Variants in BTBD8 observed in about 807,000 individuals in gnomAD.
The protein encoded by BTBD8 is BTB/POZ domain-containing protein 8.
Under a neutral mutation model 162.9 loss-of-function variants are expected in BTBD8, and 110 were observed. That is an observed-to-expected ratio of 0.68 (90% CI 0.58 to 0.79). The LOEUF (loss-of-function observed/expected upper bound fraction) is 0.79. Ranked by LOEUF, BTBD8 falls within the 30% of genes least tolerant of loss-of-function variation. The pLI, the probability that BTBD8 is intolerant of heterozygous loss-of-function variation, is 0.00. For synonymous variants in BTBD8, 667 were observed against 716.1 expected (o/e 0.93, Z 1.10); for missense variants, 1,905 against 2,085.4 (o/e 0.91, Z 1.68).
chr1:92,163,948 A>G (rs922381978), intron 9 of BTBD8, among the ~76,000 whole-genome samples: 2 of 152,188 alleles, frequency 1.3e-5, no homozygotes, highest in African/African-American at 4.8e-5. Context: ...CACATTATGT[A>G]TATAGTAAGC....
At chr1:92,127,552 TTTTGTTTG>T (rs71586734) in intron 4 of BTBD8, among the ~76,000 whole-genome samples, 93,865 of 149,862 alleles carry the variant, frequency 0.63, 29,812 homozygotes, top group East Asian at 0.95. Flanking sequence ...TTTTGGAAGT[TTTTGTTTG>T]TTTGTTTGTT....
At chr1:92,136,181 C>A (rs1649627469) in intron 5 of BTBD8, among the ~76,000 whole-genome samples, 1 of 152,204 alleles carries the variant, frequency 6.6e-6, no homozygotes, top group East Asian at 1.9e-4. Flanking sequence ...TTTAGTCTCC[C>A]TCTGAAGGTT....
intron 3 of BTBD8, among the ~76,000 whole-genome samples, chr1:92,105,818 A>G (rs72956829): frequency 2.8e-3 from 429 of 152,372 alleles, no homozygotes; most frequent in African/African-American, 9.3e-3. Flanking sequence ...ATGTATAGAC[A>G]GAACATGGAA....
chr1:92,164,622 G>A (rs538682872), intron 9 of BTBD8, among the ~76,000 whole-genome samples: 5 of 149,368 alleles, frequency 3.3e-5, no homozygotes, highest in South Asian at 2.1e-4. Context: ...CCGTTACGGC[G>A]AGCTGAGATC....
At chr1:92,142,098 A>G (rs887980240) in intron 7 of BTBD8, among the ~76,000 whole-genome samples, 3 of 152,180 alleles carry the variant, frequency 2.0e-5, no homozygotes, top group African/African-American at 7.2e-5. Flanking sequence ...AACACTACCA[A>G]CCCCATAAGG....
chr1:92,115,537 C>T (rs951790590), intron 4 of BTBD8: 2 of 383,462 alleles, frequency 5.2e-6, no homozygotes, highest in South Asian at 2.2e-5. Flanking sequence ...TCAGCACCAG[C>T]GTCATCCTGT....
Position 92,128,985 on chromosome 1 carries a change from G to T in BTBD8, c.663-702G>T, listed in dbSNP as rs571943817. On this transcript the variant is annotated intron_variant, in intron 4 of 17. Coordinates refer to ENST00000636805, the MANE Select transcript of BTBD8 (RefSeq NM_001376131.1). ...AAGTATGAAGTGTAAATCTGGGAAAGAGCCTTGATTTACACTTTAGTATGA... is the reference window on the plus strand; with the variant it reads ...AAGTATGAAGTGTAAATCTGGGAAATAGCCTTGATTTACACTTTAGTATGA... 2.6e-5 allele frequency among the ~76,000 whole-genome samples: 4 copies of T among 152,034 alleles called. No individual in the cohort carries two copies. The South Asian group carries it at 8.3e-4, about 32-fold the overall frequency.
chr1:92,123,735 C>G (rs1649276669), intron 4 of BTBD8, among the ~76,000 whole-genome samples: 1 of 145,838 alleles, frequency 6.9e-6, no homozygotes, highest in Admixed American at 6.9e-5. Context: ...CAAGATCGCG[C>G]CACTGCACTC....
In BTBD8 at chr1:92,178,392, G is replaced by A; in HGVS notation, c.2522G>A (p.Gly841Glu). The A allele has an allele frequency of 3.2e-6, 5 of 1,551,372 alleles. No homozygotes were observed. The highest frequency in any genetic ancestry group is 2.6e-6 in the Non-Finnish European group (3 of 1,146,704). Residue 841 changes from glycine (G) to glutamate (E), a missense_variant, in exon 16 of 18, where the codon GGA becomes GAA. Physicochemically the swap from Gly to Glu is moderately conservative, Grantham distance 98 (BLOSUM62 -2). This residue lies in a region of BTBD8 where 1,374 missense variants were observed against 1,442.7 expected (regional missense o/e 0.95). Coordinates refer to ENST00000636805, the MANE Select transcript of BTBD8 (RefSeq NM_001376131.1). ...AILKKRGTSN[G>E]CTAAQQRTKS... Reference sequence around the variant, plus strand: ...TTGAAGAAAAGAGGAACTAGCAATGGATGTACTGCAGCTCAGCAGAGGACA... The same window carrying A: ...TTGAAGAAAAGAGGAACTAGCAATGAATGTACTGCAGCTCAGCAGAGGACA...
chr1:92,173,190 C>G (rs504706), intron 13 of BTBD8, among the ~76,000 whole-genome samples: 114,527 of 152,140 alleles, frequency 0.75, 44,461 homozygotes, highest in East Asian at 0.97. Context: ...CTCCCAAAGT[C>G]CTGGGATTGC....
Position 92,184,490 on chromosome 1 carries a change from A to G in BTBD8, c.*160A>G, listed in dbSNP as rs925670991. On this transcript the variant is annotated 3_prime_UTR_variant, in exon 18 of 18. Transcript: ENST00000636805. ...GTTTATTTATTAATATATCACATAT[A>G]GAAAAATGTTTTTCTAAAGTTTTTG... The G allele has an allele frequency of 2.0e-5, 9 of 456,502 alleles. No individual in the cohort carries two copies. Among genetic ancestry groups the G allele is most frequent in the Non-Finnish European group, 3.4e-5 (9 of 264,106 alleles). The allele number at this position is 456,502 out of a possible 1,614,324, so 28.3% of individuals were successfully genotyped here.
chr1:92,130,214 T>C (rs1342393188), intron 5 of BTBD8, among the ~76,000 whole-genome samples: 1 of 152,140 alleles, frequency 6.6e-6, no homozygotes, highest in African/African-American at 2.4e-5. Flanking sequence ...TCCTATCAGA[T>C]CAAGGACCCA....
chr1:92,147,535 G>C (rs1367710663), intron 8 of BTBD8, 149 bp from the exon 9 acceptor site: 2 of 635,106 alleles, frequency 3.1e-6, no homozygotes, highest in Non-Finnish European at 5.3e-6. Flanking sequence ...ACAGGAAAGA[G>C]AATATAAAGT....
chr1:92,122,361 C>A (rs888780949), intron 4 of BTBD8, among the ~76,000 whole-genome samples: 1 of 150,914 alleles, frequency 6.6e-6, no homozygotes, highest in Non-Finnish European at 1.5e-5. Context: ...CAGGTTCAAA[C>A]GATTCTCCTG....
intron 14 of BTBD8, 25 bp from the exon 15 acceptor site, chr1:92,177,786 T>C: frequency 6.2e-6 from 8 of 1,298,676 alleles, no homozygotes; most frequent in Non-Finnish European, 8.7e-6. Flanking sequence ...TTCTCTCTTA[T>C]GACTCACTTT....
intron 4 of BTBD8, among the ~76,000 whole-genome samples, chr1:92,128,866 C>T (rs1481874701): frequency 2.6e-5 from 4 of 152,090 alleles, no homozygotes; most frequent in Non-Finnish European, 4.4e-5. Context: ...GGTCACCTCT[C>T]CTACCCTTTC....
chr1:92,182,375 T>C lies in BTBD8; in HGVS notation c.4692T>C (p.Asn1564=), dbSNP rs1427011732. ...KKVNNGSNVE[N]DIQQRSKFLD... Reference sequence around the variant, plus strand: ...TAAACAATGGAAGCAATGTGGAAAATGACATTCAGCAACGCAGCAAATTCT... The same window carrying C: ...TAAACAATGGAAGCAATGTGGAAAACGACATTCAGCAACGCAGCAAATTCT... Residue 1564 remains asparagine, a synonymous_variant, in exon 17 of 18, where the codon AAT becomes AAC. Coordinates refer to ENST00000636805, the MANE Select transcript of BTBD8 (RefSeq NM_001376131.1). The C allele has an allele frequency of 6.5e-7, 1 of 1,549,842 alleles. No homozygotes were observed. Among genetic ancestry groups the C allele is most frequent in the Non-Finnish European group, 8.7e-7 (1 of 1,146,436 alleles).
intron 1 of BTBD8, among the ~76,000 whole-genome samples, chr1:92,085,061 A>G (rs1362258484): frequency 6.6e-6 from 1 of 152,162 alleles, no homozygotes; most frequent in African/African-American, 2.4e-5. Flanking sequence ...TCCCTGAACA[A>G]AATTTACTTA....
At position 92,146,809 on chromosome 1, in the gene BTBD8, A is replaced by C. The variant is rs549134298; in HGVS notation, c.931-371A>C. Among the ~76,000 whole-genome samples, 10 of 152,264 alleles carry C rather than the reference A, an allele frequency of 6.6e-5. No homozygotes were observed. The East Asian group carries it at 1.9e-3, about 29-fold the overall frequency. Reference sequence around the variant, plus strand: ...ATAGCACATTTCTTTTTAGAGCTGAATATTTCATTGCACGGATGTACTACA... The same window carrying C: ...ATAGCACATTTCTTTTTAGAGCTGACTATTTCATTGCACGGATGTACTACA... On this transcript the variant is annotated intron_variant, in intron 7 of 17. Coordinates refer to ENST00000636805, the MANE Select transcript of BTBD8 (RefSeq NM_001376131.1).
Sources: gnomAD v4.1 joint callset for allele counts (sites outside exome capture counted in the v4.1 genomes callset) on GRCh38, gnomAD v4.1.1 for gene constraint, gnomAD v4.1.1 regional missense constraint, MANE v1.5 for transcripts, NCBI Gene and HGNC (gene_info 2026-07-23, HGNC 2026-07-21) for gene names.